Variants in EFEMP1 observed in about 807,000 individuals in gnomAD.
The protein encoded by EFEMP1 is EGF-containing fibulin-like extracellular matrix protein 1.
In EFEMP1, 18 loss-of-function variants were observed where a neutral mutation model predicts 65.7. The ratio of observed to expected loss-of-function variants is 0.27; its 90% CI spans 0.19 to 0.41. EFEMP1 has a LOEUF of 0.41. Among genes scored for constraint, EFEMP1 ranks in the 10% least tolerant of loss-of-function variants. The probability of loss-of-function intolerance (pLI) is 1.00; values close to 1 mark genes in which losing one functional copy is unlikely to be tolerated. For missense variants in EFEMP1, 469 were observed against 624.8 expected (o/e 0.75, Z 2.66); for synonymous variants, 237 against 219.7 (o/e 1.08, Z -0.70).
chr2:55,878,456 C>T (rs1025886126), intron 6 of EFEMP1, among the ~76,000 whole-genome samples: 30 of 152,090 alleles, frequency 2.0e-4, no homozygotes, highest in African/African-American at 6.8e-4. Context: ...GTGTTCCAGC[C>T]TGTGTCCTTC....
At position 55,866,928 on chromosome 2, in the gene EFEMP1, T is replaced by C; in HGVS notation, c.*145A>G. On this transcript the variant is annotated 3_prime_UTR_variant, in exon 12 of 12. Coordinates refer to ENST00000355426, the MANE Select transcript of EFEMP1 (RefSeq NM_001039348.3). The stretch of plus-strand genomic sequence containing the variant: ...CTTTACATATTAAATGCCCACTTTA[T>C]ACCATGGTGTAATTGTTTGAATTAT... The C allele has an allele frequency of 9.5e-7, 1 of 1,052,540 alleles. No homozygotes were observed. Among genetic ancestry groups the C allele is most frequent in the Non-Finnish European group, 1.4e-6 (1 of 713,972 alleles). 65.2% of individuals were successfully genotyped at this position (1,052,540 alleles called of 1,614,324 possible). A position where few individuals can be genotyped will look rare whatever the true frequency, so the allele number is the denominator to read the frequency against.
chr2:55,890,325 C>G (rs957786710), intron 5 of EFEMP1, among the ~76,000 whole-genome samples: 1 of 151,584 alleles, frequency 6.6e-6, no homozygotes, highest in African/African-American at 2.4e-5. Flanking sequence ...TCAGTATAGA[C>G]AAATAAAAAA....
intron 5 of EFEMP1, among the ~76,000 whole-genome samples, chr2:55,904,985 C>CTTTTTTTTTTT (rs1168768201): frequency 4.3e-5 from 1 of 23,190 alleles, no homozygotes; most frequent in Non-Finnish European, 7.2e-5. Context: ...TTTTCTTTTT[C>CTTTTTTTTTTT]TTTTTTTTTT....
At chr2:55,898,811 T>C (rs980125023) in intron 5 of EFEMP1, among the ~76,000 whole-genome samples, 2 of 152,146 alleles carry the variant, frequency 1.3e-5, no homozygotes, top group African/African-American at 2.4e-5. Context: ...CCACAGTACC[T>C]GCCTTGCCTC....
At position 55,917,385 on chromosome 2, in the gene EFEMP1, A is replaced by G. The variant is rs1354632290; in HGVS notation, c.517+280T>C. Among the ~76,000 whole-genome samples the G allele has an allele frequency of 1.3e-5, 2 of 152,216 alleles. No homozygotes were observed. Among genetic ancestry groups the G allele is most frequent in the African/African-American group, 4.8e-5 (2 of 41,458 alleles). On this transcript the variant is annotated intron_variant, in intron 5 of 11. Coordinates refer to ENST00000355426, the MANE Select transcript of EFEMP1 (RefSeq NM_001039348.3). The surrounding 1 kb of genome is among the most constrained non-coding windows in gnomAD (Gnocchi z 6.3). ...AACTGGGCTGGGGTGTAGCTTCGCC[A>G]TCGAGAAGTTTTAAAGGTTCCCAAG...
intron 9 of EFEMP1, among the ~76,000 whole-genome samples, chr2:55,874,132 ACAGTGGAGCTGGGATT>A (rs1177367363): frequency 6.6e-6 from 1 of 152,110 alleles, no homozygotes; most frequent in Non-Finnish European, 1.5e-5. Flanking sequence ...CAGACTGAAT[ACAGTGGAGCTGGGATT>A]CAAACAGGTT....
At chr2:55,880,841 C>T (rs78077363) in intron 6 of EFEMP1, among the ~76,000 whole-genome samples, 7,420 of 152,246 alleles carry the variant, frequency 0.049, 568 homozygotes, top group African/African-American at 0.17. Context: ...TCAAAACACA[C>T]GCATAGAGCC....
rs933722921 is a variant in EFEMP1, at chr2:55,922,292, G to A, written c.81+68C>T. Reference sequence around the variant, plus strand: ...ATAGCCCAAATACACTGGCAGGGGTGTGTAAAGTCTTTTTTTGTCACAGAA... The same window carrying A: ...ATAGCCCAAATACACTGGCAGGGGTATGTAAAGTCTTTTTTTGTCACAGAA... On this transcript the variant is annotated intron_variant, in intron 3 of 11. Coordinates refer to ENST00000355426, the MANE Select transcript of EFEMP1 (RefSeq NM_001039348.3). The surrounding 1 kb of genome is among the most constrained non-coding windows in gnomAD (Gnocchi z 5.5). 7.7e-6 allele frequency: 11 copies of A among 1,435,460 alleles called. No homozygotes were observed. In the African/African-American group the frequency reaches 1.3e-4, roughly 16 times the overall value. 88.9% of individuals were successfully genotyped at this position (1,435,460 alleles called of 1,614,324 possible).
intron 5 of EFEMP1, among the ~76,000 whole-genome samples, chr2:55,910,321 T>C (rs1235381712): frequency 6.6e-6 from 1 of 152,216 alleles, no homozygotes; most frequent in Admixed American, 6.5e-5. Context: ...GTTTTCTTGA[T>C]CAGTTTTATT....
chr2:55,892,230 A>C (rs1382572624), intron 5 of EFEMP1, among the ~76,000 whole-genome samples: 1 of 152,168 alleles, frequency 6.6e-6, no homozygotes, highest in African/African-American at 2.4e-5. Flanking sequence ...TGGGGACAGA[A>C]ATAAGTTTCT....
intron 5 of EFEMP1, among the ~76,000 whole-genome samples, chr2:55,882,330 C>A (rs1216835780): frequency 2.0e-5 from 3 of 151,148 alleles, no homozygotes; most frequent in Non-Finnish European, 4.4e-5. Flanking sequence ...ATAAATCTTT[C>A]ATTGCAAATT....
chr2:55,894,204 G>A (rs1171913191), intron 5 of EFEMP1, among the ~76,000 whole-genome samples: 7 of 152,088 alleles, frequency 4.6e-5, no homozygotes, highest in African/African-American at 1.7e-4. Flanking sequence ...GTAATTCTGA[G>A]AGAGAACTAT....
At chr2:55,898,949 T>C (rs3791666) in intron 5 of EFEMP1, among the ~76,000 whole-genome samples, 43,428 of 152,068 alleles carry the variant, frequency 0.29, 6,587 homozygotes, top group East Asian at 0.56. Flanking sequence ...ACTGTACGTA[T>C]GGTAACTATG....
intron 9 of EFEMP1, among the ~76,000 whole-genome samples, chr2:55,874,690 T>C (rs912620309): frequency 2.0e-5 from 3 of 152,114 alleles, no homozygotes; most frequent in African/African-American, 7.2e-5. Context: ...CTCAAAGAGA[T>C]GATGTAGGTT....
chr2:55,888,483 G>A (rs532861260), intron 5 of EFEMP1, among the ~76,000 whole-genome samples: 104 of 151,634 alleles, frequency 6.9e-4, no homozygotes, highest in South Asian at 2.1e-3. Flanking sequence ...GATTACAGGC[G>A]CCCACCACCA....
intron 5 of EFEMP1, among the ~76,000 whole-genome samples, chr2:55,903,191 A>G (rs748385703): frequency 1.3e-5 from 2 of 152,252 alleles, no homozygotes; most frequent in Non-Finnish European, 2.9e-5. Context: ...GCATTCAAGC[A>G]TAAAAACATT....
At position 55,921,455 on chromosome 2, in the gene EFEMP1, C is replaced by T. The variant is rs369628310; in HGVS notation, c.81+905G>A. The stretch of plus-strand genomic sequence containing the variant: ...TTTTCAAAAATTTTTCACATTCTTT[C>T]GAGTAGGATTACTTAATTTTAAACT... On this transcript the variant is annotated intron_variant, in intron 3 of 11. Transcript: ENST00000355426. The surrounding 1 kb of genome is among the most constrained non-coding windows in gnomAD (Gnocchi z 4.1). Among the ~76,000 whole-genome samples, 72 of 152,242 alleles carry T rather than the reference C, an allele frequency of 4.7e-4. 1 individual carries two copies. The highest frequency in any genetic ancestry group is 1.6e-3 in the African/African-American group (66 of 41,544).
At position 55,919,352 on chromosome 2, in the gene EFEMP1, A is replaced by T. The variant is rs1174391079; in HGVS notation, c.82-1085T>A. Among the ~76,000 whole-genome samples the T allele has an allele frequency of 6.6e-6, 1 of 152,172 alleles. No individual in the cohort carries two copies. The highest frequency in any genetic ancestry group is 1.5e-5 in the Non-Finnish European group (1 of 68,036). On this transcript the variant is annotated intron_variant, in intron 3 of 11. Coordinates refer to ENST00000355426, the MANE Select transcript of EFEMP1 (RefSeq NM_001039348.3). This position sits in a 1 kb window ranked among gnomAD's most constrained non-coding sequence, Gnocchi z 4.5. ...ATTCAGGGTTCTTGTTAAAATGAAG[A>T]TTCCTGGGCCCACCCAAAGGATTTG...
At chr2:55,887,726 G>A (rs958650712) in intron 5 of EFEMP1, among the ~76,000 whole-genome samples, 50 of 152,060 alleles carry the variant, frequency 3.3e-4, no homozygotes, top group African/African-American at 1.0e-3. Context: ...TTAATAATTT[G>A]GTGTGCTTTA....
Sources: allele counts gnomAD v4.1 joint callset (sites outside exome capture counted in the v4.1 genomes callset), GRCh38; gene constraint gnomAD v4.1.1; non-coding constraint Gnocchi (gnomAD v3.1); transcripts MANE v1.5; gene names NCBI Gene and HGNC (gene_info 2026-07-23, HGNC 2026-07-21).